ULK1: variants seen among roughly 807,000 people sequenced by gnomAD.
The protein encoded by ULK1 is unc-51 like autophagy activating kinase 1.
ULK1 carries 48 observed loss-of-function variants against 117.5 expected under a neutral mutation model. That is an observed-to-expected ratio of 0.41 (90% CI 0.32 to 0.52). The LOEUF (loss-of-function observed/expected upper bound fraction) is 0.52, where lower values mean the gene tolerates loss of function less well. Ranked by LOEUF, ULK1 falls within the 20% of genes least tolerant of loss-of-function variation. The probability of loss-of-function intolerance (pLI) is 0.29; values close to 1 mark genes in which losing one functional copy is unlikely to be tolerated. For missense variants in ULK1, 1,387 were observed against 1,473.4 expected (o/e 0.94, Z 0.96); for synonymous variants, 790 against 637.8 (o/e 1.24, Z -3.60).
intron 3 of ULK1, among the ~76,000 whole-genome samples, chr12:131,899,143 A>G (rs1046864254): frequency 2.6e-5 from 4 of 152,042 alleles, no homozygotes; most frequent in Non-Finnish European, 5.9e-5. Flanking sequence ...CTGGGATTAC[A>G]GGCATGAGCC....
intron 12 of ULK1, 69 bp from the exon 13 acceptor site, chr12:131,911,873 G>C: frequency 1.2e-6 from 2 of 1,608,498 alleles, no homozygotes; most frequent in Non-Finnish European, 1.7e-6. Context: ...CATCCCAGGA[G>C]GGGGAATTTG....
In ULK1 at chr12:131,915,415, C is replaced by T. The variant is rs751743830; in HGVS notation, c.1603C>T (p.Arg535Cys). 15 of 1,612,400 alleles carry T rather than the reference C, an allele frequency of 9.3e-6. No homozygotes were observed. The highest frequency in any genetic ancestry group is 4.0e-5 in the African/African-American group (3 of 74,952). ...GAEMRGGRSP[R>C]PGSSAPEHSP... ...TGAGATGCGGGGTGGCAGGTCCCCT[C>T]GTCCAGGTGGGTGCAGTCCGGAGGG... is the stretch of plus-strand genomic sequence containing the variant. The change falls in exon 18 of 28, where the codon CGT (arginine) becomes TGT (cysteine). Residue 535 changes from arginine to cysteine, a missense_variant. This residue lies in a region of ULK1 where 900 missense variants were observed against 858.9 expected (regional missense o/e 1.05). Coordinates refer to ENST00000321867, the MANE Select transcript of ULK1 (RefSeq NM_003565.4).
chr12:131,916,270 G>A lies in ULK1; in HGVS notation c.1878+111G>A, dbSNP rs184566532. 25 of 1,517,402 alleles carry A rather than the reference G, an allele frequency of 1.6e-5. 1 individual carries two copies. Among genetic ancestry groups the A allele is most frequent in the South Asian group, 1.5e-4 (12 of 78,860 alleles). 94.0% of individuals were successfully genotyped at this position (1,517,402 alleles called of 1,614,324 possible). A position where few individuals can be genotyped will look rare whatever the true frequency, so the allele number is the denominator to read the frequency against. ...GGCAGCTCTGTACCTTTTGACCCCC[G>A]CCTGGGCTCATGCTCAGGCTGCTCC... On this transcript the variant is annotated intron_variant, in intron 19 of 27. Coordinates refer to ENST00000321867, the MANE Select transcript of ULK1 (RefSeq NM_003565.4).
intron 26 of ULK1, chr12:131,920,823 G>A: frequency 2.3e-6 from 1 of 437,016 alleles, no homozygotes; most frequent in East Asian, 3.5e-5. Flanking sequence ...GGCAGGCCAG[G>A]CAGCAGCAGT....
Position 131,916,202 on chromosome 12 carries a change from G to A in ULK1, c.1878+43G>A, listed in dbSNP as rs773214294. 4 of 1,589,212 alleles carry A rather than the reference G, an allele frequency of 2.5e-6. No individual in the cohort carries two copies. In the South Asian group the frequency reaches 4.5e-5, roughly 18 times the overall value. On this transcript the variant is annotated intron_variant, in intron 19 of 27. Coordinates refer to ENST00000321867, the MANE Select transcript of ULK1 (RefSeq NM_003565.4). Reference sequence around the variant, plus strand: ...GTGTGCAGGGGCACAGAGCCCTGGGGAAGATGTGTGGGAATGGCCAGTCCT... The same window carrying A: ...GTGTGCAGGGGCACAGAGCCCTGGGAAAGATGTGTGGGAATGGCCAGTCCT...
chr12:131,904,564 C>T (rs978105476), intron 3 of ULK1, among the ~76,000 whole-genome samples: 1 of 152,178 alleles, frequency 6.6e-6, no homozygotes, highest in Non-Finnish European at 1.5e-5. Context: ...CCACACAGCC[C>T]GGTCCTGGGT....
intron 8 of ULK1, 48 bp from the exon 9 acceptor site, chr12:131,909,715 CCCGTGGGCTGGT>C: frequency 6.7e-7 from 1 of 1,488,802 alleles, no homozygotes. Flanking sequence ...GCACCGAGAC[CCCGTGGGCTGGT>C]CCCGCTCGGC....
intron 8 of ULK1, 46 bp downstream of exon 8, chr12:131,909,283 G>C: frequency 2.0e-6 from 3 of 1,515,222 alleles, no homozygotes; most frequent in Non-Finnish European, 2.7e-6. Flanking sequence ...GTCAGTGCAA[G>C]TGTCCGCCAG....
chr12:131,914,982 G>A, intron 16 of ULK1, 101 bp from the exon 17 acceptor site: 3 of 1,469,842 alleles, frequency 2.0e-6, no homozygotes, highest in Non-Finnish European at 2.7e-6. Context: ...GGCTGCTGGG[G>A]CCTCCCCTCC....
chr12:131,896,687 C>A (rs1888887279), intron 3 of ULK1: 1 of 152,422 alleles, frequency 6.6e-6, no homozygotes, highest in Non-Finnish European at 1.5e-5. Flanking sequence ...CCCAGGCACA[C>A]TGTGTCCTGG....
At chr12:131,895,950 TC>T in intron 3 of ULK1, 126 bp downstream of exon 3, 2 of 1,234,702 alleles carry the variant, frequency 1.6e-6, no homozygotes, top group Middle Eastern at 2.7e-4. Flanking sequence ...CCCTGGAGAC[TC>T]CACCCTGGGT....
chr12:131,916,533 G>A lies in ULK1; in HGVS notation c.2014G>A (p.Gly672Ser), dbSNP rs745948922. ...PDLSEVGPFH[G>S]QPLGPGLRPG... ...CCTCTCGGAGGTGGGACCCTTCCAT[G>A]GTCAGCCGTTGGGCCCTGGCCTGCG... The change falls in exon 20 of 28, where the codon GGT becomes AGT. Residue 672 changes from glycine to serine, a missense_variant. Transcript: ENST00000321867. The A allele has an allele frequency of 6.2e-7, 1 of 1,610,450 alleles. No individual in the cohort carries two copies. Among genetic ancestry groups the A allele is most frequent in the African/African-American group, 1.3e-5 (1 of 74,894 alleles).
intron 1 of ULK1, 112 bp from the exon 2 acceptor site, chr12:131,895,489 G>T (rs1430995424): frequency 2.2e-6 from 2 of 904,140 alleles, no homozygotes. Flanking sequence ...CGGCCTTCCA[G>T]TCCCGGGATT....
In ULK1 at chr12:131,920,130, G is replaced by A. The variant is rs754491040; in HGVS notation, c.2955G>A (p.Val985=). ...AGAGGCTCATCTTCAGCCACGCTGT[G>A]CAGATGGTACGGGACAGACAGACAC... The part of the protein sequence containing the change: ...TAERLIFSHA[V]QMVQSAALDE... Residue 985 remains valine (V), a synonymous_variant, in exon 26 of 28, where the codon GTG becomes GTA. Coordinates refer to ENST00000321867, the MANE Select transcript of ULK1 (RefSeq NM_003565.4). 6.2e-6 allele frequency: 10 copies of A among 1,612,726 alleles called. No individual in the cohort carries two copies. The highest frequency in any genetic ancestry group is 6.8e-6 in the Non-Finnish European group (8 of 1,179,880).
In ULK1 at chr12:131,922,577, C is replaced by T. The variant is rs538004170; in HGVS notation, c.*1216C>T. 23 of 154,356 alleles carry T rather than the reference C, an allele frequency of 1.5e-4. No homozygotes were observed. In the South Asian group the frequency reaches 4.2e-3, roughly 28 times the overall value. 9.6% of individuals were successfully genotyped at this position (154,356 alleles called of 1,614,324 possible). A position where few individuals can be genotyped will look rare whatever the true frequency, so the allele number is the denominator to read the frequency against. ...AGAGGCCTGCCTTCCGGATTCCAGG[C>T]GGGCATGCCCTGCAAACCCCGCCTG... On this transcript the variant is annotated 3_prime_UTR_variant, in exon 28 of 28. Transcript: ENST00000321867.
chr12:131,897,402 C>G (rs926527669), intron 3 of ULK1: 1 of 152,224 alleles, frequency 6.6e-6, no homozygotes, highest in Non-Finnish European at 1.5e-5. Flanking sequence ...CGCTGCCCTC[C>G]GTTCTCAGGC....
chr12:131,909,692 A>T, intron 8 of ULK1, 83 bp from the exon 9 acceptor site: 1 of 1,380,414 alleles, frequency 7.2e-7, no homozygotes, highest in Non-Finnish European at 9.6e-7. Context: ...GCAGGGGCCG[A>T]CTGGGGACGA....
intron 3 of ULK1, among the ~76,000 whole-genome samples, chr12:131,906,223 A>G (rs1889268211): frequency 4.6e-5 from 7 of 152,086 alleles, no homozygotes. Context: ...CCTCCTAAGT[A>G]GCTGGGATTA....
intron 8 of ULK1, 130 bp from the exon 9 acceptor site, chr12:131,909,645 T>A: frequency 1.0e-6 from 1 of 978,558 alleles, no homozygotes; most frequent in South Asian, 1.7e-5. Flanking sequence ...ACAGCCGCGC[T>A]AGCACCCGGT....
Sources: allele counts gnomAD v4.1 joint callset (sites outside exome capture counted in the v4.1 genomes callset), GRCh38; gene constraint gnomAD v4.1.1; regional missense constraint gnomAD v4.1.1; transcripts MANE v1.5; gene names NCBI Gene and HGNC (gene_info 2026-07-23, HGNC 2026-07-21).